CCDC141: variants seen among roughly 807,000 people sequenced by gnomAD.
CCDC141 encodes the protein coiled-coil domain containing 141.
Under a neutral mutation model 181.0 loss-of-function variants are expected in CCDC141, and 168 were observed. The ratio of observed to expected loss-of-function variants is 0.93; its 90% CI spans 0.82 to 1.05. The LOEUF (loss-of-function observed/expected upper bound fraction) is 1.05. Among genes scored for constraint, CCDC141 ranks in the 50% least tolerant of loss-of-function variants. CCDC141 has a pLI of 0.00. For missense variants in CCDC141, 1,902 were observed against 1,788.5 expected, an observed-to-expected ratio of 1.06 and a Z score of -1.14; for synonymous variants, 666 against 642.3, an observed-to-expected ratio of 1.04 and a Z score of -0.56.
At chr2:178,936,985 T>G (rs1418964789) in intron 6 of CCDC141, among the ~76,000 whole-genome samples, 1 of 152,184 alleles carries the variant, frequency 6.6e-6, no homozygotes, top group East Asian at 1.9e-4. Flanking sequence ...CTGAAGGAGC[T>G]TTTGACCGAG....
chr2:178,957,121 C>G (rs1690194330), intron 5 of CCDC141, among the ~76,000 whole-genome samples: 1 of 152,174 alleles, frequency 6.6e-6, no homozygotes. Context: ...AATCCACCTG[C>G]CTCGGCCTCC....
At chr2:178,853,747 T>C (rs1685266776) in intron 19 of CCDC141, 123 bp from the exon 20 acceptor site, 5 of 720,592 alleles carry the variant, frequency 6.9e-6, no homozygotes, top group Non-Finnish European at 6.6e-6. Context: ...GCTTGAACTT[T>C]CTAAGTCATA....
intron 5 of CCDC141, among the ~76,000 whole-genome samples, chr2:178,957,302 T>G (rs764551826): frequency 6.6e-6 from 1 of 152,216 alleles, no homozygotes; most frequent in Admixed American, 6.5e-5. Context: ...TTAATCCTTA[T>G]AGCAACTCTG....
chr2:178,966,673 A>G (rs892602833), intron 4 of CCDC141, among the ~76,000 whole-genome samples: 1 of 152,176 alleles, frequency 6.6e-6, no homozygotes, highest in African/African-American at 2.4e-5. Flanking sequence ...TGAAAATTCC[A>G]AAAACCCGAA....
intron 8 of CCDC141, among the ~76,000 whole-genome samples, chr2:178,901,302 A>G (rs1274942504): frequency 1.3e-5 from 2 of 152,170 alleles, no homozygotes; most frequent in African/African-American, 4.8e-5. Context: ...AGACACAACC[A>G]AAAAAGAGAA....
rs1684365973 is a variant in CCDC141, at chr2:178,833,977, A to G, written c.*196T>C. ...TGTTCTTATCCACTACAGATAATTT[A>G]CCAAGCTTCTCAAATATATTAAACG... On this transcript the variant is annotated 3_prime_UTR_variant, in exon 24 of 24. Transcript: ENST00000443758. 1.7e-6 allele frequency: 1 copy of G among 589,098 alleles called. No homozygotes were observed. 36.5% of individuals were successfully genotyped at this position (589,098 alleles called of 1,614,324 possible). A position where few individuals can be genotyped will look rare whatever the true frequency, so the allele number is the denominator to read the frequency against.
At chr2:179,002,010 G>A (rs541797047) in intron 2 of CCDC141, 1 of 159,676 alleles carries the variant, frequency 6.3e-6, no homozygotes, top group East Asian at 1.9e-4. Flanking sequence ...GTAGAGACAG[G>A]GTTTCGGCAT....
intron 7 of CCDC141, 126 bp downstream of exon 7, chr2:178,918,587 C>A: frequency 4.6e-6 from 3 of 655,674 alleles, no homozygotes; most frequent in Non-Finnish European, 7.6e-6. Flanking sequence ...GCTCTCTTTG[C>A]TGCTATCAGT....
intron 9 of CCDC141, 83 bp downstream of exon 9, chr2:178,888,444 C>T: frequency 7.7e-7 from 1 of 1,293,870 alleles, no homozygotes; most frequent in East Asian, 2.5e-5. Context: ...ATGCCCCTGT[C>T]CTCCCGCCAT....
chr2:178,892,839 G>C (rs1042535777), intron 8 of CCDC141, among the ~76,000 whole-genome samples: 3 of 152,156 alleles, frequency 2.0e-5, no homozygotes, highest in African/African-American at 7.2e-5. Context: ...GTGGGTAACA[G>C]ACACTTGGTT....
rs114212403 is a variant in CCDC141 at position 178,848,673 on chromosome 2, A to G, written c.3357+1376T>C. ...CCTCACTTGAAGATGTGCAACGTAA[A>G]CGGGAGGAATATTGTAGACAATGAA... On this transcript the variant is annotated intron_variant, in intron 21 of 23. Coordinates refer to ENST00000443758, the MANE Select transcript of CCDC141 (RefSeq NM_173648.4). Among the ~76,000 whole-genome samples the G allele has an allele frequency of 7.0e-3, 1,072 of 152,276 alleles. 11 individuals are homozygous for G. Among genetic ancestry groups the G allele is most frequent in the African/African-American group, 0.025 (1,024 of 41,540 alleles).
intron 22 of CCDC141, among the ~76,000 whole-genome samples, chr2:178,841,539 T>C (rs1303838566): frequency 2.0e-5 from 3 of 152,188 alleles, no homozygotes; most frequent in African/African-American, 7.2e-5. Flanking sequence ...TTCAAAACTA[T>C]GTACATCTAT....
intron 2 of CCDC141, among the ~76,000 whole-genome samples, chr2:179,044,673 G>A (rs367898978): frequency 1.3e-5 from 2 of 152,212 alleles, no homozygotes; most frequent in African/African-American, 4.8e-5. Context: ...GGGAAAAGAT[G>A]TGGTTTCAAG....
the CCDC141 span, among the ~76,000 whole-genome samples, chr2:178,816,044 A>G: frequency 6.6e-6 from 1 of 152,238 alleles, no homozygotes; most frequent in Admixed American, 6.5e-5. Flanking sequence ...ATATTGATGC[A>G]TTATTACTAA....
At chr2:179,013,942 C>T (rs2042346601) in intron 2 of CCDC141, among the ~76,000 whole-genome samples, 1 of 103,808 alleles carries the variant, frequency 9.6e-6, no homozygotes, top group African/African-American at 3.8e-5. Flanking sequence ...GCCTGGGCTA[C>T]AGAGTGAGAC....
chr2:178,943,985 A>G (rs2154377189), intron 6 of CCDC141, among the ~76,000 whole-genome samples: 1 of 152,312 alleles, frequency 6.6e-6, no homozygotes, highest in Non-Finnish European at 1.5e-5. Context: ...TGGAACAGCA[A>G]TCAAATTATA....
At chr2:179,029,047 G>T (rs2042934480) in intron 2 of CCDC141, among the ~76,000 whole-genome samples, 3 of 152,136 alleles carry the variant, frequency 2.0e-5, no homozygotes, top group South Asian at 4.1e-4. Flanking sequence ...CATATTTGCT[G>T]ACAGAGATCT....
In CCDC141 at chr2:178,888,643, T is replaced by A; in HGVS notation, c.1291A>T (p.Met431Leu). ...CSSQVSGIHE[M>L]MGCIKRRVDH... The stretch of plus-strand genomic sequence containing the variant: ...ACTCGTCTCTTAATGCACCCCATCA[T>A]CTCATGGATGCCGGACACCTGAGAG... The change falls in exon 9 of 24, where the codon ATG becomes TTG. Residue 431 changes from methionine to leucine, a missense_variant. Transcript: ENST00000443758. 2 of 1,550,720 alleles carry A rather than the reference T, an allele frequency of 1.3e-6. No individual in the cohort carries two copies. The highest frequency in any genetic ancestry group is 1.7e-6 in the Non-Finnish European group (2 of 1,146,874).
chr2:178,903,729 A>T (rs145967799), intron 8 of CCDC141, among the ~76,000 whole-genome samples: 8,563 of 151,870 alleles, frequency 0.056, 386 homozygotes, highest in Admixed American at 0.15. Context: ...CACATTGTGC[A>T]CATGTACCCT....
Sources: gnomAD v4.1 joint callset for allele counts (sites outside exome capture counted in the v4.1 genomes callset) on GRCh38, gnomAD v4.1.1 for gene constraint, MANE v1.5 for transcripts, NCBI Gene and HGNC (gene_info 2026-07-23, HGNC 2026-07-21) for gene names.